Variants in HCRTR2 observed in about 807,000 individuals in gnomAD.
HCRTR2 encodes orexin receptor type 2.
A neutral mutation model predicts 49.0 loss-of-function variants in HCRTR2; 22 were observed. The ratio of observed to expected loss-of-function variants is 0.45; its 90% CI spans 0.32 to 0.64. The LOEUF is 0.64. Ranked by LOEUF, HCRTR2 falls within the 30% of genes least tolerant of loss-of-function variation. The pLI, the probability that HCRTR2 is intolerant of heterozygous loss-of-function variation, is 0.04. For missense variants in HCRTR2, 491 were observed against 559.4 expected, an observed-to-expected ratio of 0.88 and a Z score of 1.23; for synonymous variants, 236 against 205.3, an observed-to-expected ratio of 1.15 and a Z score of -1.28.
At chr6:55,155,512 A>AG (rs1764718808) in intron 1 of HCRTR2, among the ~76,000 whole-genome samples, 1 of 152,012 alleles carries the variant, frequency 6.6e-6, no homozygotes, top group African/African-American at 2.4e-5. Context: ...ATCAGATGAT[A>AG]ATTTTGCTGT....
chr6:55,110,315 C>A (rs563712625), intron 1 of HCRTR2, among the ~76,000 whole-genome samples: 1 of 151,814 alleles, frequency 6.6e-6, no homozygotes, highest in Non-Finnish European at 1.5e-5. Flanking sequence ...ACAACAACAA[C>A]AACAAAAACA....
At chr6:55,226,770 G>A (rs536863336) in intron 1 of HCRTR2, among the ~76,000 whole-genome samples, 3 of 137,954 alleles carry the variant, frequency 2.2e-5, no homozygotes, top group East Asian at 4.2e-4. Context: ...CAGGCCTGGA[G>A]TGCAGTGGTG....
At chr6:55,186,566 T>C (rs1229475058) in intron 1 of HCRTR2, among the ~76,000 whole-genome samples, 3 of 152,240 alleles carry the variant, frequency 2.0e-5, no homozygotes, top group African/African-American at 4.8e-5. Context: ...TCTTTTGTTT[T>C]CTCAAGTAAG....
At chr6:55,132,017 T>C (rs968907272) in intron 1 of HCRTR2, among the ~76,000 whole-genome samples, 14 of 151,874 alleles carry the variant, frequency 9.2e-5, no homozygotes, top group African/African-American at 2.9e-4. Context: ...GGTTTTTCTG[T>C]AGACTAAATA....
At chr6:55,187,411 C>CAAAAAAAAAAAAAAAAAAAA (rs57619664) in intron 1 of HCRTR2, among the ~76,000 whole-genome samples, 2 of 98,424 alleles carry the variant, frequency 2.0e-5, no homozygotes, top group Non-Finnish European at 4.0e-5. Context: ...GACTCCGTCT[C>CAAAAAAAAAAAAAAAAAAAA]AAAAAAAAAA....
At chr6:55,170,488 A>T (rs190639786), upstream of HCRTR2, among the ~76,000 whole-genome samples, 1 of 151,982 alleles carries the variant, frequency 6.6e-6, no homozygotes, top group Admixed American at 6.6e-5. Context: ...CTATTTTGAA[A>T]TGTACATTGA....
intron 1 of HCRTR2, among the ~76,000 whole-genome samples, chr6:55,161,768 C>T (rs1429989211): frequency 1.4e-4 from 21 of 152,010 alleles, no homozygotes; most frequent in African/African-American, 4.1e-4. Context: ...ATACACCTTC[C>T]CAAGACTAAA....
At chr6:55,161,427 G>T (rs914562284) in intron 1 of HCRTR2, among the ~76,000 whole-genome samples, 1 of 151,906 alleles carries the variant, frequency 6.6e-6, no homozygotes, top group Non-Finnish European at 1.5e-5. Context: ...AAAAGAACTA[G>T]AGAAGCAAAG....
chr6:55,267,498 C>T (rs1307878726), intron 4 of HCRTR2, among the ~76,000 whole-genome samples: 2 of 148,684 alleles, frequency 1.3e-5, no homozygotes, highest in East Asian at 4.0e-4. Context: ...ACTTAGCTTG[C>T]TTGACTCTTT....
intron 1 of HCRTR2, among the ~76,000 whole-genome samples, chr6:55,133,206 C>T (rs982781909): frequency 1.3e-5 from 2 of 151,750 alleles, no homozygotes; most frequent in Non-Finnish European, 3.0e-5. Context: ...TACCTCGGTA[C>T]AGTCTAGCAA....
chr6:55,205,583 T>C (rs1765586395), intron 1 of HCRTR2, among the ~76,000 whole-genome samples: 1 of 151,854 alleles, frequency 6.6e-6, no homozygotes, highest in South Asian at 2.1e-4. Context: ...CAACAGAGAA[T>C]AGACAGAGAG....
intron 4 of HCRTR2, among the ~76,000 whole-genome samples, chr6:55,275,680 G>A (rs1412966979): frequency 4.8e-5 from 7 of 146,500 alleles, no homozygotes; most frequent in African/African-American, 1.5e-4. Context: ...TGATCTCATC[G>A]GCTCATTGCA....
intron 4 of HCRTR2, among the ~76,000 whole-genome samples, chr6:55,274,341 A>T (rs10428732): frequency 0.026 from 3,820 of 147,798 alleles, 185 homozygotes; most frequent in African/African-American, 0.088. Context: ...ACTTATATAT[A>T]TATTTTATGA....
Position 55,282,555 on chromosome 6 carries a change from T to C in HCRTR2, c.*101T>C. The C allele has an allele frequency of 1.4e-6, 1 of 697,228 alleles. No individual in the cohort carries two copies. Among genetic ancestry groups the C allele is most frequent in the East Asian group, 2.7e-5 (1 of 37,084 alleles). The allele number at this position is 697,228 out of a possible 1,614,324, so 43.2% of individuals were successfully genotyped here. A position where few individuals can be genotyped will look rare whatever the true frequency, so the allele number is the denominator to read the frequency against. On this transcript the variant is annotated 3_prime_UTR_variant, in exon 7 of 7. Coordinates refer to ENST00000370862, the MANE Select transcript of HCRTR2 (RefSeq NM_001384272.1). Reference sequence around the variant, plus strand: ...TCCTATGATGTGAAGCTAAAATTACTTGTGGATCTTTTTTTTTTTTAATCT... The same window carrying C: ...TCCTATGATGTGAAGCTAAAATTACCTGTGGATCTTTTTTTTTTTTAATCT...
intron 1 of HCRTR2, among the ~76,000 whole-genome samples, chr6:55,178,760 TC>T (rs1189369312): frequency 6.6e-6 from 1 of 152,214 alleles, no homozygotes; most frequent in Non-Finnish European, 1.5e-5. Flanking sequence ...CCCACCCATC[TC>T]CTTCATACTG....
At chr6:55,148,063 T>C (rs527494207) in intron 1 of HCRTR2, among the ~76,000 whole-genome samples, 1 of 152,254 alleles carries the variant, frequency 6.6e-6, no homozygotes, top group South Asian at 2.1e-4. Flanking sequence ...TCTTTTTCAA[T>C]AGAAACTAAT....
chr6:55,127,471 G>A (rs553627529), intron 1 of HCRTR2, among the ~76,000 whole-genome samples: 12 of 152,278 alleles, frequency 7.9e-5, no homozygotes, highest in African/African-American at 2.4e-4. Context: ...TGCACTCTGC[G>A]TTGGACTTGC....
intron 2 of HCRTR2, among the ~76,000 whole-genome samples, chr6:55,251,294 G>C (rs772017671): frequency 6.6e-6 from 1 of 152,016 alleles, no homozygotes; most frequent in Non-Finnish European, 1.5e-5. Context: ...ACAGCCTTTA[G>C]ATTTATGAGT....
intron 3 of HCRTR2, 129 bp from the exon 4 acceptor site, chr6:55,263,578 C>T (rs1278511415): frequency 1.5e-6 from 1 of 669,660 alleles, no homozygotes; most frequent in African/African-American, 1.8e-5. Flanking sequence ...TTCCCCTTTG[C>T]ATACATAATA....
Sources: gnomAD v4.1 joint callset for allele counts (sites outside exome capture counted in the v4.1 genomes callset) on GRCh38, gnomAD v4.1.1 for gene constraint, MANE v1.5 for transcripts, NCBI Gene and HGNC (gene_info 2026-07-23, HGNC 2026-07-21) for gene names.